The following NCALD variants were observed in gnomAD, a reference collection of about 807,000 sequenced individuals.
The protein encoded by NCALD is neurocalcin-delta.
In NCALD, 10 loss-of-function variants were observed where a neutral mutation model predicts 18.6. The observed-to-expected ratio is 0.54, with a 90% CI of 0.33 to 0.91. NCALD has a LOEUF of 0.91. NCALD is among the 40% of genes least tolerant of loss of function. The probability of loss-of-function intolerance (pLI) is 0.03; values close to 1 mark genes in which losing one functional copy is unlikely to be tolerated. For synonymous variants in NCALD, 88 were observed against 87.4 expected (o/e 1.01, Z -0.04); for missense variants, 184 against 247.6 (o/e 0.74, Z 1.72).
At chr8:101,908,963 A>G (rs1486669759) in intron 3 of NCALD, among the ~76,000 whole-genome samples, 2 of 152,174 alleles carry the variant, frequency 1.3e-5, no homozygotes, top group Non-Finnish European at 2.9e-5. Flanking sequence ...AGTTTTCCAA[A>G]AATCAAGAGA....
intron 2 of NCALD, among the ~76,000 whole-genome samples, chr8:101,963,178 T>A (rs964874717): frequency 5.3e-5 from 8 of 152,178 alleles, no homozygotes; most frequent in African/African-American, 1.9e-4. Flanking sequence ...AAAGGAAACC[T>A]CTTTTCAAGT....
At chr8:102,114,077 C>T (rs1320578077) in intron 1 of NCALD, among the ~76,000 whole-genome samples, 1 of 152,196 alleles carries the variant, frequency 6.6e-6, no homozygotes, top group Non-Finnish European at 1.5e-5. Context: ...AGCATGATGC[C>T]CACGTGATCT....
At chr8:101,889,738 T>C (rs1036377727) in intron 3 of NCALD, among the ~76,000 whole-genome samples, 1 of 152,196 alleles carries the variant, frequency 6.6e-6, no homozygotes, top group African/African-American at 2.4e-5. Context: ...GCTTCCCACA[T>C]CTTGTTGTGA....
intron 1 of NCALD, among the ~76,000 whole-genome samples, chr8:101,747,552 A>C (rs1029600659): frequency 1.3e-5 from 2 of 152,068 alleles, no homozygotes; most frequent in East Asian, 3.9e-4. Flanking sequence ...ATAGAGAATA[A>C]ATTTTCTCTG....
intron 4 of NCALD, among the ~76,000 whole-genome samples, chr8:101,839,620 G>T (rs1814558328): frequency 6.6e-6 from 1 of 152,128 alleles, no homozygotes; most frequent in Non-Finnish European, 1.5e-5. Context: ...ATTCATTCAA[G>T]CCCCTGGCCT....
chr8:101,817,455 A>G (rs1235284711), intron 4 of NCALD, among the ~76,000 whole-genome samples: 2 of 152,138 alleles, frequency 1.3e-5, no homozygotes, highest in Non-Finnish European at 2.9e-5. Flanking sequence ...CACAGTTTCC[A>G]AGCCTAATAA....
At chr8:101,714,556 G>A (rs957128713) in intron 2 of NCALD, among the ~76,000 whole-genome samples, 3 of 152,140 alleles carry the variant, frequency 2.0e-5, no homozygotes, top group Non-Finnish European at 4.4e-5. Context: ...CATGAAAACG[G>A]CCATATTGTC....
At chr8:101,731,417 G>A (rs1816826133) in intron 1 of NCALD, among the ~76,000 whole-genome samples, 1 of 152,144 alleles carries the variant, frequency 6.6e-6, no homozygotes, top group Non-Finnish European at 1.5e-5. Context: ...CAATAAGCCA[G>A]TTTCCTCTAA....
At chr8:101,858,540 C>T (rs140526807) in intron 4 of NCALD, among the ~76,000 whole-genome samples, 15 of 152,174 alleles carry the variant, frequency 9.9e-5, no homozygotes, top group Non-Finnish European at 2.2e-4. Flanking sequence ...ATGTTCTGAA[C>T]GAAAGGCACA....
At chr8:101,757,352 T>C (rs1221063175) in intron 1 of NCALD, among the ~76,000 whole-genome samples, 1 of 152,226 alleles carries the variant, frequency 6.6e-6, no homozygotes, top group Non-Finnish European at 1.5e-5. Context: ...GGTAAAGCTA[T>C]GTGTTACTTT....
intron 4 of NCALD, among the ~76,000 whole-genome samples, chr8:101,841,404 G>C (rs1814637797): frequency 6.6e-6 from 1 of 152,174 alleles, no homozygotes; most frequent in South Asian, 2.1e-4. Context: ...ATCCAGGCAT[G>C]AGTGACAATT....
intron 4 of NCALD, among the ~76,000 whole-genome samples, chr8:101,885,871 C>T (rs1816657701): frequency 6.6e-6 from 1 of 152,218 alleles, no homozygotes; most frequent in Non-Finnish European, 1.5e-5. Context: ...TCCTATTAGG[C>T]TTTAGCTTGA....
intron 4 of NCALD, among the ~76,000 whole-genome samples, chr8:101,867,058 G>A (rs945882093): frequency 3.3e-5 from 5 of 151,934 alleles, no homozygotes; most frequent in African/African-American, 9.7e-5. Context: ...GCCTTCCACC[G>A]TTCCTCAAGC....
At chr8:101,766,434 C>A (rs964520390) in intron 1 of NCALD, among the ~76,000 whole-genome samples, 15 of 152,206 alleles carry the variant, frequency 9.9e-5, no homozygotes, top group Admixed American at 2.6e-4. Flanking sequence ...TGGTGTATAT[C>A]CTTCCAGATT....
At chr8:102,101,308 A>G (rs989322316) in intron 1 of NCALD, among the ~76,000 whole-genome samples, 37 of 152,370 alleles carry the variant, frequency 2.4e-4, no homozygotes, top group African/African-American at 8.7e-4. Flanking sequence ...CCGCATTTTT[A>G]TAAAATATCC....
intron 1 of NCALD, among the ~76,000 whole-genome samples, chr8:102,102,345 G>C (rs501344): frequency 6.6e-6 from 1 of 151,848 alleles, no homozygotes; most frequent in Non-Finnish European, 1.5e-5. Context: ...CGCAGAGACG[G>C]AGGCAGAAAC....
chr8:101,971,071 T>C (rs868112821), intron 2 of NCALD, among the ~76,000 whole-genome samples: 16 of 152,170 alleles, frequency 1.1e-4, no homozygotes, highest in African/African-American at 3.4e-4. Context: ...ATGCAGCAGA[T>C]GGCCCTCATC....
chr8:101,914,443 T>C (rs1817908634), intron 3 of NCALD, among the ~76,000 whole-genome samples: 1 of 152,196 alleles, frequency 6.6e-6, no homozygotes, highest in African/African-American at 2.4e-5. Flanking sequence ...GGTTTCTCCA[T>C]TGTGAAGTTA....
chr8:101,861,280 G>A (rs1815530850), intron 4 of NCALD, among the ~76,000 whole-genome samples: 1 of 151,974 alleles, frequency 6.6e-6, no homozygotes, highest in Non-Finnish European at 1.5e-5. Flanking sequence ...CTGAAGGGGA[G>A]GAAACTGAGA....
Sources: gnomAD v4.1 joint callset for allele counts (sites outside exome capture counted in the v4.1 genomes callset) on GRCh38, gnomAD v4.1.1 for gene constraint, MANE v1.5 for transcripts, NCBI Gene and HGNC (gene_info 2026-07-23, HGNC 2026-07-21) for gene names.